MCM6: variants seen among roughly 807,000 people sequenced by gnomAD.
MCM6 encodes minichromosome maintenance complex component 6.
Under a neutral mutation model 94.3 loss-of-function variants are expected in MCM6, and 46 were observed. That is an observed-to-expected ratio of 0.49 (90% CI 0.39 to 0.62). The LOEUF is 0.62. Ranked by LOEUF, MCM6 falls within the 20% of genes least tolerant of loss-of-function variation. The pLI is 0.00. For missense variants in MCM6, 865 were observed against 1,017.9 expected (o/e 0.85, Z 2.04); for synonymous variants, 335 against 351.9 (o/e 0.95, Z 0.54).
At chr2:135,849,175 C>A (rs1376323003) in intron 13 of MCM6, among the ~76,000 whole-genome samples, 2 of 152,108 alleles carry the variant, frequency 1.3e-5, no homozygotes, top group Admixed American at 1.3e-4. Context: ...TAGGAGGGGC[C>A]ATGTTAATTT....
At chr2:135,842,260 A>C (rs1396636116) in intron 16 of MCM6, among the ~76,000 whole-genome samples, 1 of 152,086 alleles carries the variant, frequency 6.6e-6, no homozygotes, top group East Asian at 1.9e-4. Context: ...ACCACTAGAA[A>C]AGCAACTCTG....
At chr2:135,852,149 G>C (rs4988231) in intron 12 of MCM6, among the ~76,000 whole-genome samples, 2,331 of 152,266 alleles carry the variant, frequency 0.015, 61 homozygotes, top group African/African-American at 0.053. Flanking sequence ...CTTTGGGACA[G>C]TGAGAGCCAA....
intron 12 of MCM6, 101 bp from the exon 13 acceptor site, chr2:135,851,664 C>A: frequency 9.9e-7 from 1 of 1,011,000 alleles, no homozygotes; most frequent in Non-Finnish European, 1.3e-6. Context: ...ATTTAGGGAA[C>A]CTGAGAGGGT....
chr2:135,852,694 G>T, intron 12 of MCM6, 93 bp downstream of exon 12: 11 of 889,922 alleles, frequency 1.2e-5, no homozygotes, highest in South Asian at 4.9e-5. Context: ...TAAGGTAGAT[G>T]ACAGGTTCAG....
intron 2 of MCM6, among the ~76,000 whole-genome samples, chr2:135,870,613 C>G (rs218505): frequency 0.92 from 139,531 of 152,306 alleles, 64,924 homozygotes; most frequent in Non-Finnish European, 1. Context: ...AATAATCATA[C>G]AGCACCCACA....
rs1679667734 is a variant in MCM6 at position 135,846,204 on chromosome 2, C to G, written c.2209+33G>C. ...ATGTGAACAGAGCTTACAGAAGTGA[C>G]CGAGCATGTAAGCAGTACCAGGTAA... On this transcript the variant is annotated intron_variant, in intron 15 of 16. Coordinates refer to ENST00000264156, the MANE Select transcript of MCM6 (RefSeq NM_005915.6). 4 of 1,608,506 alleles carry G rather than the reference C, an allele frequency of 2.5e-6. No individual in the cohort carries two copies. In the African/African-American group the frequency reaches 4.0e-5, roughly 16 times the overall value.
intron 13 of MCM6, 32 bp downstream of exon 13, chr2:135,851,370 C>T (rs1292728575): frequency 6.3e-7 from 1 of 1,576,652 alleles, no homozygotes; most frequent in Non-Finnish European, 8.7e-7. Context: ...CTGTTTATCT[C>T]TGCTCTCATC....
In MCM6 at chr2:135,876,399, G is replaced by T; in HGVS notation, c.-34C>A. 2.0e-6 allele frequency: 3 copies of T among 1,532,524 alleles called. No individual in the cohort carries two copies. The highest frequency in any genetic ancestry group is 1.2e-5 in the South Asian group (1 of 86,068). The allele number at this position is 1,532,524 out of a possible 1,614,324, so 94.9% of individuals were successfully genotyped here. ...AGTGCCGAGGATTCGCCTGCGCCAC[G>T]CTCGACCGCCACAAGTCGCTTTTTT... On this transcript the variant is annotated 5_prime_UTR_variant, in exon 1 of 17. Transcript: ENST00000264156.
intron 8 of MCM6, 138 bp from the exon 9 acceptor site, chr2:135,859,580 T>G: frequency 1.8e-6 from 1 of 548,210 alleles, no homozygotes; most frequent in Non-Finnish European, 3.1e-6. Context: ...TGCCACAGAC[T>G]AAATGGGAAG....
intron 15 of MCM6, among the ~76,000 whole-genome samples, chr2:135,845,382 T>C (rs80091508): frequency 0.015 from 2,326 of 152,290 alleles, 58 homozygotes; most frequent in African/African-American, 0.053. Context: ...TAATGACATA[T>C]AACATGAATC....
At chr2:135,856,378 G>C (rs1032139716) in intron 11 of MCM6, among the ~76,000 whole-genome samples, 3 of 152,320 alleles carry the variant, frequency 2.0e-5, no homozygotes, top group African/African-American at 4.8e-5. Context: ...TGGAAGTGGA[G>C]GTTGCAGTAG....
intron 1 of MCM6, among the ~76,000 whole-genome samples, chr2:135,875,620 G>A (rs1361433499): frequency 6.6e-6 from 1 of 152,124 alleles, no homozygotes; most frequent in Non-Finnish European, 1.5e-5. Flanking sequence ...GAAGCTAGGA[G>A]CCCAGAGGCA....
chr2:135,866,548 C>T lies in MCM6; in HGVS notation c.781+15G>A. 6.3e-7 allele frequency: 1 copy of T among 1,596,732 alleles called. No individual in the cohort carries two copies. Among genetic ancestry groups the T allele is most frequent in the Non-Finnish European group, 8.5e-7 (1 of 1,173,526 alleles). Reference sequence around the variant, plus strand: ...TAACTGAGAATTTGTTAAATTTGAGCCACAGATTACTGACCTGGTGTGCTA... The same window carrying T: ...TAACTGAGAATTTGTTAAATTTGAGTCACAGATTACTGACCTGGTGTGCTA... On this transcript the variant is annotated intron_variant, in intron 5 of 16. Coordinates refer to ENST00000264156, the MANE Select transcript of MCM6 (RefSeq NM_005915.6).
chr2:135,863,450 G>A (rs2105586867), intron 7 of MCM6, among the ~76,000 whole-genome samples: 1 of 152,312 alleles, frequency 6.6e-6, no homozygotes, highest in East Asian at 1.9e-4. Flanking sequence ...GCTTATGCCT[G>A]TAATCTGATC....
At chr2:135,855,598 T>C (rs2105580579) in intron 11 of MCM6, among the ~76,000 whole-genome samples, 1 of 152,200 alleles carries the variant, frequency 6.6e-6, no homozygotes, top group African/African-American at 2.4e-5. Context: ...CCCAGGAGAT[T>C]GAGGCTGCAG....
intron 15 of MCM6, among the ~76,000 whole-genome samples, chr2:135,845,806 T>C (rs1158387686): frequency 6.6e-6 from 1 of 152,222 alleles, no homozygotes; most frequent in African/African-American, 2.4e-5. Flanking sequence ...CATGAGGATT[T>C]TACTCCATTT....
chr2:135,852,949 A>C (rs1410847394), intron 11 of MCM6, 34 bp from the exon 12 acceptor site: 4 of 1,563,686 alleles, frequency 2.6e-6, no homozygotes, highest in Non-Finnish European at 3.5e-6. Flanking sequence ...TTTGATAGTC[A>C]CAGCAATATC....
At chr2:135,875,746 C>CAGCTTTCAA (rs749677325) in intron 1 of MCM6, among the ~76,000 whole-genome samples, 14 of 152,234 alleles carry the variant, frequency 9.2e-5, no homozygotes, top group Admixed American at 5.9e-4. Context: ...CGCCCCCCAG[C>CAGCTTTCAA]AGCTTTCAAA....
At chr2:135,854,554 GAAAAA>G (rs1558757614) in intron 11 of MCM6, among the ~76,000 whole-genome samples, 867 of 75,482 alleles carry the variant, frequency 0.011, 24 homozygotes, top group Middle Eastern at 0.027. Context: ...AAAAAAAAGA[GAAAAA>G]GAAAAAGAAA....
Sources: allele counts gnomAD v4.1 joint callset (sites outside exome capture counted in the v4.1 genomes callset), GRCh38; gene constraint gnomAD v4.1.1; transcripts MANE v1.5; gene names NCBI Gene and HGNC (gene_info 2026-07-23, HGNC 2026-07-21).